SPTLC1: variants seen among roughly 807,000 people sequenced by gnomAD.
SPTLC1 encodes the protein serine palmitoyltransferase long chain base subunit 1.
SPTLC1 carries 55 observed loss-of-function variants against 68.9 expected under a neutral mutation model. The observed-to-expected ratio is 0.80, with a 90% CI of 0.64 to 1.00. The LOEUF (loss-of-function observed/expected upper bound fraction) is 1.00, where lower values mean the gene tolerates loss of function less well. Among genes scored for constraint, SPTLC1 ranks in the 50% least tolerant of loss-of-function variants. The pLI is 0.00. For synonymous variants in SPTLC1, 197 were observed against 201.6 expected (o/e 0.98, Z 0.19); for missense variants, 449 against 573.1 (o/e 0.78, Z 2.21).
intron 13 of SPTLC1, 83 bp from the exon 14 acceptor site, chr9:92,034,966 A>G (rs899481392): frequency 4.5e-6 from 5 of 1,109,426 alleles, no homozygotes; most frequent in Admixed American, 1.7e-5. Flanking sequence ...AAATCCTGCA[A>G]CGGTAGCTTT....
chr9:92,066,520 A>G (rs1834290233), intron 6 of SPTLC1, among the ~76,000 whole-genome samples: 1 of 152,182 alleles, frequency 6.6e-6, no homozygotes, highest in African/African-American at 2.4e-5. Context: ...GGACACTAGC[A>G]TACAGGGCTG....
chr9:92,089,084 A>G (rs905409687), intron 3 of SPTLC1, among the ~76,000 whole-genome samples: 6 of 152,210 alleles, frequency 3.9e-5, no homozygotes, highest in African/African-American at 1.4e-4. Context: ...CCAAGAGCAT[A>G]AACATAAGGA....
intron 8 of SPTLC1, among the ~76,000 whole-genome samples, chr9:92,054,590 C>T (rs79863592): frequency 0.03 from 4,560 of 152,146 alleles, 130 homozygotes; most frequent in South Asian, 0.11. Flanking sequence ...GTATTTTATA[C>T]GTTGATTTCA....
At chr9:92,040,406 A>C (rs1467222455) in intron 12 of SPTLC1, among the ~76,000 whole-genome samples, 2 of 152,036 alleles carry the variant, frequency 1.3e-5, no homozygotes, top group African/African-American at 2.4e-5. Flanking sequence ...AAAACAAAAA[A>C]AACAACAAAA....
intron 3 of SPTLC1, among the ~76,000 whole-genome samples, chr9:92,089,419 C>T (rs1408464723): frequency 6.6e-6 from 1 of 151,544 alleles, no homozygotes; most frequent in Admixed American, 6.6e-5. Context: ...ATCTCAAAAA[C>T]AAAAACAAAA....
chr9:92,085,272 G>T (rs1835073894), intron 3 of SPTLC1, among the ~76,000 whole-genome samples: 1 of 144,784 alleles, frequency 6.9e-6, no homozygotes, highest in African/African-American at 2.6e-5. Flanking sequence ...GTTATTTCTT[G>T]CCTTCTGCTA....
chr9:92,042,239 C>G (rs181619190), intron 12 of SPTLC1, among the ~76,000 whole-genome samples: 2 of 152,144 alleles, frequency 1.3e-5, no homozygotes, highest in Non-Finnish European at 2.9e-5. Flanking sequence ...GCTATTATTG[C>G]CACTGTTCAA....
At chr9:92,045,237 T>C (rs1182033821) in intron 12 of SPTLC1, among the ~76,000 whole-genome samples, 1 of 152,060 alleles carries the variant, frequency 6.6e-6, no homozygotes, top group Non-Finnish European at 1.5e-5. Context: ...AGGACTTTCA[T>C]GACCAAGAAA....
chr9:92,032,062 A>G lies in SPTLC1; in HGVS notation c.*403T>C. On this transcript the variant is annotated 3_prime_UTR_variant, in exon 15 of 15. Transcript: ENST00000262554. ...GCTTTAATGTTGCAGTCATTTTTCT[A>G]TGAAATACTAAGGAGTTAAGGAGTG... is the stretch of plus-strand genomic sequence containing the variant. The G allele has an allele frequency of 2.1e-6, 1 of 467,546 alleles. No homozygotes were observed. Among genetic ancestry groups the G allele is most frequent in the Admixed American group, 3.8e-5 (1 of 26,128 alleles). The allele number at this position is 467,546 out of a possible 1,614,324, so 29.0% of individuals were successfully genotyped here.
At chr9:92,098,575 G>A (rs1438586422) in intron 3 of SPTLC1, among the ~76,000 whole-genome samples, 1 of 150,852 alleles carries the variant, frequency 6.6e-6, no homozygotes, top group Admixed American at 6.6e-5. Context: ...TGTGCATATT[G>A]AAAAAAAAGA....
intron 5 of SPTLC1, chr9:92,079,707 GGGCAGAAGTATGA>G: frequency 1.3e-6 from 1 of 788,126 alleles, no homozygotes; most frequent in Non-Finnish European, 2.2e-6. Context: ...AGTGGACTGT[GGGCAGAAGTATGA>G]GGCCATCTCC....
At chr9:92,092,990 T>C (rs758440960) in intron 3 of SPTLC1, among the ~76,000 whole-genome samples, 2 of 152,230 alleles carry the variant, frequency 1.3e-5, no homozygotes, top group Non-Finnish European at 2.9e-5. Flanking sequence ...ACGTACTTTA[T>C]TATCTTTCAA....
intron 3 of SPTLC1, among the ~76,000 whole-genome samples, chr9:92,101,301 A>C (rs1835739721): frequency 6.6e-6 from 1 of 151,806 alleles, no homozygotes; most frequent in South Asian, 2.1e-4. Context: ...GGTGGCTCAC[A>C]CCTGTAATCC....
intron 3 of SPTLC1, among the ~76,000 whole-genome samples, chr9:92,090,464 T>C (rs1376527324): frequency 6.6e-6 from 1 of 151,708 alleles, no homozygotes; most frequent in African/African-American, 2.4e-5. Context: ...CAAAAAATAT[T>C]AGCCGGGTGT....
intron 14 of SPTLC1, among the ~76,000 whole-genome samples, chr9:92,033,770 C>A (rs1833051623): frequency 6.6e-6 from 1 of 152,130 alleles, no homozygotes. Flanking sequence ...TGGTCTTGTA[C>A]TCCTGGGCTC....
chr9:92,108,563 T>C (rs1836092902), intron 3 of SPTLC1, 177 bp downstream of exon 3: 2 of 801,042 alleles, frequency 2.5e-6, no homozygotes, highest in South Asian at 1.8e-5. Context: ...TTTTAAAAAA[T>C]GCCTGTATCA....
Position 92,032,554 on chromosome 9 carries a change from G to A in SPTLC1, c.1333C>T (p.Arg445Trp), listed in dbSNP as rs766180659. 3.1e-6 allele frequency: 5 copies of A among 1,613,980 alleles called. No homozygotes were observed. In the East Asian group the frequency reaches 6.7e-5, roughly 22 times the overall value. The change falls in exon 15 of 15, where the codon CGG becomes TGG. Residue 445 changes from arginine (R) to tryptophan (W), a missense_variant. This residue lies in a region of SPTLC1 where 391 missense variants were observed against 472.1 expected (regional missense o/e 0.83). Coordinates refer to ENST00000262554, the MANE Select transcript of SPTLC1 (RefSeq NM_006415.4). ...GTTTGTTCCACCGTGACCACAACCCGAATGCTGAGAACAGTAAAGGACACA... is the reference window on the plus strand; with the variant it reads ...GTTTGTTCCACCGTGACCACAACCCAAATGCTGAGAACAGTAAAGGACACA... ...EEKCLPPPSI[R>W]VVVTVEQTEE...
intron 6 of SPTLC1, among the ~76,000 whole-genome samples, chr9:92,063,638 T>TAA (rs923531021): frequency 6.7e-6 from 1 of 149,330 alleles, no homozygotes; most frequent in Non-Finnish European, 1.5e-5. Context: ...TAGCTTTTTA[T>TAA]AAAAAAAAAA....
intron 3 of SPTLC1, among the ~76,000 whole-genome samples, chr9:92,097,806 G>T (rs1835584964): frequency 6.6e-6 from 1 of 152,086 alleles, no homozygotes; most frequent in Admixed American, 6.5e-5. Context: ...CAAAATGACA[G>T]ATTTTATGGT....
Sources: gnomAD v4.1 joint callset for allele counts (sites outside exome capture counted in the v4.1 genomes callset) on GRCh38, gnomAD v4.1.1 for gene constraint, gnomAD v4.1.1 regional missense constraint, MANE v1.5 for transcripts, NCBI Gene and HGNC (gene_info 2026-07-23, HGNC 2026-07-21) for gene names.